The following INPP4B variants were observed in gnomAD, a reference collection of about 807,000 sequenced individuals.
The protein encoded by INPP4B is inositol polyphosphate-4-phosphatase type II B.
Under a neutral mutation model 122.5 loss-of-function variants are expected in INPP4B, and 55 were observed. That is an observed-to-expected ratio of 0.45 (90% CI 0.36 to 0.56). The LOEUF (loss-of-function observed/expected upper bound fraction) is 0.56, where lower values mean the gene tolerates loss of function less well. Ranked by LOEUF, INPP4B falls within the 20% of genes least tolerant of loss-of-function variation. The probability of loss-of-function intolerance (pLI) is 0.00; values close to 1 mark genes in which losing one functional copy is unlikely to be tolerated. For synonymous variants in INPP4B, 403 were observed against 388.7 expected (o/e 1.04, Z -0.43); for missense variants, 1,000 against 1,097.7 (o/e 0.91, Z 1.26).
At chr4:142,844,589 G>A (rs1783955452) in intron 1 of INPP4B, among the ~76,000 whole-genome samples, 1 of 152,148 alleles carries the variant, frequency 6.6e-6, no homozygotes, top group Non-Finnish European at 1.5e-5. Context: ...TATCACAAAG[G>A]AACACATAAT....
intron 2 of INPP4B, among the ~76,000 whole-genome samples, chr4:142,547,434 C>G (rs1829765467): frequency 6.6e-6 from 1 of 152,074 alleles, no homozygotes; most frequent in East Asian, 1.9e-4. Flanking sequence ...TGAGCAATAC[C>G]TAGACATAAA....
chr4:142,195,012 AAATT>A (rs1837538713), intron 14 of INPP4B, among the ~76,000 whole-genome samples: 2 of 152,264 alleles, frequency 1.3e-5, no homozygotes, highest in African/African-American at 4.8e-5. Flanking sequence ...GCAAAAAGAC[AAATT>A]ATCATGACAA....
intron 2 of INPP4B, among the ~76,000 whole-genome samples, chr4:142,651,969 C>T (rs528196317): frequency 6.6e-6 from 1 of 152,318 alleles, no homozygotes; most frequent in South Asian, 2.1e-4. Context: ...CAAAAATCCT[C>T]AATAAAATAC....
intron 23 of INPP4B, among the ~76,000 whole-genome samples, chr4:142,094,618 C>G (rs527519175): frequency 6.6e-6 from 1 of 152,284 alleles, no homozygotes; most frequent in South Asian, 2.1e-4. Context: ...GACACATAAC[C>G]AGCCCTTCTC....
chr4:142,638,294 A>G (rs1244050295), intron 2 of INPP4B, among the ~76,000 whole-genome samples: 2 of 152,082 alleles, frequency 1.3e-5, no homozygotes, highest in Non-Finnish European at 2.9e-5. Context: ...GTTTTCTCCC[A>G]TGCTCACTTC....
intron 5 of INPP4B, among the ~76,000 whole-genome samples, chr4:142,416,545 A>C (rs964160642): frequency 6.6e-6 from 1 of 152,124 alleles, no homozygotes. Context: ...ATATTTTACC[A>C]GTAGAATTAA....
intron 2 of INPP4B, among the ~76,000 whole-genome samples, chr4:142,492,337 C>T (rs750477629): frequency 4.6e-5 from 7 of 151,798 alleles, no homozygotes; most frequent in South Asian, 2.1e-4. Context: ...AATGTGGAAG[C>T]GACTTTGGAA....
intron 2 of INPP4B, among the ~76,000 whole-genome samples, chr4:142,682,568 A>C (rs748103034): frequency 6.6e-6 from 1 of 151,936 alleles, no homozygotes; most frequent in Non-Finnish European, 1.5e-5. Flanking sequence ...CACCAATAAC[A>C]TTTTATACCT....
intron 25 of INPP4B, among the ~76,000 whole-genome samples, chr4:142,040,037 G>A (rs976504946): frequency 1.4e-5 from 2 of 148,030 alleles, no homozygotes; most frequent in African/African-American, 2.6e-5. Context: ...ATTGCGGGTT[G>A]GGGGGGTAAT....
At chr4:142,043,317 A>T (rs951681864) in intron 25 of INPP4B, among the ~76,000 whole-genome samples, 1 of 152,240 alleles carries the variant, frequency 6.6e-6, no homozygotes, top group Non-Finnish European at 1.5e-5. Flanking sequence ...ACATGGCTTA[A>T]AACAACAGCA....
intron 25 of INPP4B, among the ~76,000 whole-genome samples, chr4:142,044,613 G>GA (rs1199889964): frequency 7.4e-5 from 11 of 149,446 alleles, no homozygotes; most frequent in South Asian, 2.1e-4. Flanking sequence ...GATAGTGAAA[G>GA]AAAAAAAAAC....
chr4:142,451,808 T>C (rs1236606888), intron 3 of INPP4B, among the ~76,000 whole-genome samples: 1 of 152,116 alleles, frequency 6.6e-6, no homozygotes, highest in African/African-American at 2.4e-5. Context: ...ACAGAAGCAC[T>C]GAGCTTTTGG....
chr4:142,819,551 T>A (rs563537441), intron 1 of INPP4B, among the ~76,000 whole-genome samples: 85 of 152,296 alleles, frequency 5.6e-4, no homozygotes, highest in African/African-American at 2.0e-3. Flanking sequence ...TCTACAGCTA[T>A]CTACCAATCT....
intron 10 of INPP4B, among the ~76,000 whole-genome samples, chr4:142,262,552 A>C (rs1205243364): frequency 6.6e-6 from 1 of 151,926 alleles, no homozygotes; most frequent in African/African-American, 2.4e-5. Context: ...CTTTTACCCT[A>C]TCTTTTTTTC....
At chr4:142,048,588 T>A (rs917686104) in intron 25 of INPP4B, among the ~76,000 whole-genome samples, 1 of 151,292 alleles carries the variant, frequency 6.6e-6, no homozygotes, top group African/African-American at 2.4e-5. Context: ...GCTATATGAG[T>A]TGGAGGGGGC....
intron 2 of INPP4B, among the ~76,000 whole-genome samples, chr4:142,640,071 A>G (rs1750049494): frequency 6.6e-6 from 1 of 152,180 alleles, no homozygotes; most frequent in Non-Finnish European, 1.5e-5. Flanking sequence ...ATACTAACCT[A>G]GAAAGGATAC....
At chr4:142,352,717 T>C (rs1251984797) in intron 7 of INPP4B, among the ~76,000 whole-genome samples, 1 of 151,956 alleles carries the variant, frequency 6.6e-6, no homozygotes, top group Non-Finnish European at 1.5e-5. Flanking sequence ...TAAACACCTA[T>C]GAAAGTGTAA....
chr4:142,398,962 A>G (rs1177167668), intron 7 of INPP4B, among the ~76,000 whole-genome samples: 1 of 152,128 alleles, frequency 6.6e-6, no homozygotes, highest in African/African-American at 2.4e-5. Flanking sequence ...AGGGGTGTCA[A>G]TGTATACTTC....
intron 2 of INPP4B, among the ~76,000 whole-genome samples, chr4:142,720,948 T>G (rs2150839941): frequency 6.9e-6 from 1 of 145,442 alleles, no homozygotes; most frequent in Admixed American, 7.0e-5. Context: ...GCATCATATA[T>G]ATAGAGAGAG....
Sources: gnomAD v4.1 joint callset for allele counts (sites outside exome capture counted in the v4.1 genomes callset) on GRCh38, gnomAD v4.1.1 for gene constraint, MANE v1.5 for transcripts, NCBI Gene and HGNC (gene_info 2026-07-23, HGNC 2026-07-21) for gene names.